Variants in VMA12 observed in about 807,000 individuals in gnomAD.
VMA12 encodes the protein vacuolar ATPase assembly factor VMA12.
chr17:28,361,905 T>G, the VMA12 span: 1 of 152,470 alleles, frequency 6.6e-6, no homozygotes, highest in South Asian at 2.1e-4. Context: ...ATGGTCCTTC[T>G]TCTGTTAAAT....
chr17:28,357,692 G>A, the VMA12 span: 1 of 1,612,796 alleles, frequency 6.2e-7, no homozygotes, highest in South Asian at 1.1e-5. Flanking sequence ...TTTGCTTGCG[G>A]GCGAGCGATT....
the VMA12 span, among the ~76,000 whole-genome samples, chr17:28,359,976 T>C: frequency 2.6e-5 from 4 of 151,736 alleles, no homozygotes; most frequent in South Asian, 8.3e-4. Context: ...TCTTCTTCTT[T>C]TTTTTTTTTG....
chr17:28,359,415 GCT>G, the VMA12 span: 1 of 1,613,592 alleles, frequency 6.2e-7, no homozygotes, highest in Non-Finnish European at 8.5e-7. Flanking sequence ...GTAAGGACAT[GCT>G]CTTCAGTACG....
the VMA12 span, chr17:28,360,369 G>C: frequency 3.1e-6 from 2 of 654,762 alleles, no homozygotes; most frequent in Admixed American, 5.2e-5. Context: ...CGAAATGCCT[G>C]CTCTGTAGTC....
the VMA12 span, chr17:28,360,379 C>A: frequency 2.8e-6 from 2 of 706,448 alleles, no homozygotes; most frequent in Non-Finnish European, 2.4e-6. Flanking sequence ...GCTCTGTAGT[C>A]CAGAAAAGAG....
chr17:28,359,571 A>G, the VMA12 span: 1 of 577,998 alleles, frequency 1.7e-6, no homozygotes, highest in East Asian at 3.1e-5. Context: ...TCATTCACTG[A>G]GACTCTGGGC....
chr17:28,358,028 T>G, the VMA12 span: 4 of 806,828 alleles, frequency 5.0e-6, no homozygotes, highest in South Asian at 7.3e-5. Context: ...CCACCCACTT[T>G]CTTAACTCCC....
the VMA12 span, chr17:28,359,158 CAA>C: frequency 5.7e-3 from 4,014 of 704,902 alleles, no homozygotes; most frequent in South Asian, 9.2e-3. Context: ...AAATTGAGAT[CAA>C]AAAAAAAAAA....
chr17:28,361,363 A>G, the VMA12 span: 5 of 991,040 alleles, frequency 5.0e-6, no homozygotes, highest in Admixed American at 6.3e-5. Context: ...CCAGTTAGTC[A>G]GAAGACCAGC....
At chr17:28,358,941 C>A in the VMA12 span, 1 of 1,612,552 alleles carries the variant, frequency 6.2e-7, no homozygotes, top group Non-Finnish European at 8.5e-7. Flanking sequence ...TCCATGAGCT[C>A]CTAGAAGGCA....
At chr17:28,357,904 G>A in the VMA12 span, 89 of 1,612,578 alleles carry the variant, frequency 5.5e-5, no homozygotes, top group Non-Finnish European at 6.1e-5. Context: ...CTCCAGTCCG[G>A]GGTCCCCTCC....
chr17:28,360,698 T>C, the VMA12 span: 2 of 1,609,370 alleles, frequency 1.2e-6, no homozygotes, highest in African/African-American at 2.7e-5. Context: ...CTAGAGAATG[T>C]TGAACTAAAG....
At chr17:28,360,324 G>A in the VMA12 span, 2 of 533,222 alleles carry the variant, frequency 3.8e-6, no homozygotes, top group Non-Finnish European at 6.8e-6. Context: ...TGGAACAGGA[G>A]AGTAGATGGG....
chr17:28,360,724 C>G, the VMA12 span: 17 of 1,613,260 alleles, frequency 1.1e-5, no homozygotes, highest in South Asian at 1.9e-4. Flanking sequence ...CTCTCTGGCT[C>G]CTCCCCAAAG....
chr17:28,360,868 G>A, the VMA12 span: 2 of 1,601,590 alleles, frequency 1.2e-6, no homozygotes, highest in Admixed American at 3.3e-5. Flanking sequence ...ACTGGGCAGG[G>A]CAGGGTGCCC....
chr17:28,360,744 T>C, the VMA12 span: 47 of 1,613,986 alleles, frequency 2.9e-5, no homozygotes, highest in Non-Finnish European at 3.7e-5. Context: ...GTGAGATCAT[T>C]GAAGGCTCTG....
the VMA12 span, chr17:28,357,743 C>G: frequency 1.9e-6 from 3 of 1,613,304 alleles, no homozygotes; most frequent in South Asian, 2.2e-5. Context: ...GGAGCCAGAG[C>G]GGCTACCCCG....
At chr17:28,361,680 T>C in the VMA12 span, 1 of 161,698 alleles carries the variant, frequency 6.2e-6, no homozygotes, top group Non-Finnish European at 1.4e-5. Flanking sequence ...TGCAGACCTG[T>C]AATTGAGTTC....
At chr17:28,357,878 A>G in the VMA12 span, 4 of 1,613,892 alleles carry the variant, frequency 2.5e-6, no homozygotes, top group Non-Finnish European at 3.4e-6. Context: ...TCTGAGAGAA[A>G]GGGGTGAGCC....
Sources: allele counts gnomAD v4.1 joint callset (sites outside exome capture counted in the v4.1 genomes callset), GRCh38; gene constraint gnomAD v4.1.1; transcripts MANE v1.5; gene names NCBI Gene and HGNC (gene_info 2026-07-23, HGNC 2026-07-21).